Variants in EGFLAM observed in about 807,000 individuals in gnomAD.
EGFLAM encodes the protein EGF like, fibronectin type III and laminin G domains.
A neutral mutation model predicts 113.1 loss-of-function variants in EGFLAM; 79 were observed. That is an observed-to-expected ratio of 0.70 (90% CI 0.58 to 0.84). The LOEUF is 0.84. Among genes scored for constraint, EGFLAM ranks in the 40% least tolerant of loss-of-function variants. The pLI is 0.00. For synonymous variants in EGFLAM, 504 were observed against 487.6 expected, an observed-to-expected ratio of 1.03 and a Z score of -0.44; for missense variants, 1,265 against 1,291.6, an observed-to-expected ratio of 0.98 and a Z score of 0.32.
chr5:38,425,730 C>T (rs1741983688), intron 13 of EGFLAM, among the ~76,000 whole-genome samples: 1 of 152,146 alleles, frequency 6.6e-6, no homozygotes, highest in African/African-American at 2.4e-5. Flanking sequence ...CCTTGAATAA[C>T]TTTTAAAAAG....
intron 7 of EGFLAM, 118 bp downstream of exon 7, chr5:38,406,359 T>A: frequency 2.4e-6 from 2 of 849,736 alleles, no homozygotes; most frequent in Non-Finnish European, 3.7e-6. Context: ...CATTTGCTTT[T>A]AACACTGATT....
At chr5:38,338,611 C>T (rs926140135) in intron 2 of EGFLAM, 87 bp from the exon 3 acceptor site, 10 of 1,256,330 alleles carry the variant, frequency 8.0e-6, no homozygotes, top group Non-Finnish European at 1.0e-5. Context: ...CACCTCAGAG[C>T]CTGCTGCCAC....
intron 1 of EGFLAM, among the ~76,000 whole-genome samples, chr5:38,262,028 CA>C (rs1233767028): frequency 6.6e-6 from 1 of 152,194 alleles, no homozygotes; most frequent in Non-Finnish European, 1.5e-5. Context: ...TTTCAGACTA[CA>C]AATTAGAATC....
At chr5:38,437,174 AG>A (rs1286077593) in intron 16 of EGFLAM, among the ~76,000 whole-genome samples, 2 of 152,214 alleles carry the variant, frequency 1.3e-5, no homozygotes, top group Non-Finnish European at 1.5e-5. Flanking sequence ...GCAGGGCAGA[AG>A]GTGCAAGGGA....
rs1344872935 is a variant in EGFLAM, at chr5:38,426,991, C to T, written c.1811-18C>T. Reference sequence around the variant, plus strand: ...TTCTGCCACAGAGGGATTTCTAACACCATGCTTGTTTTTTCAGCTTTCACC... The same window carrying T: ...TTCTGCCACAGAGGGATTTCTAACATCATGCTTGTTTTTTCAGCTTTCACC... On this transcript the variant is annotated intron_variant, in intron 13 of 21. Coordinates refer to ENST00000322350, the MANE Select transcript of EGFLAM (RefSeq NM_152403.4). 9 of 1,612,620 alleles carry T rather than the reference C, an allele frequency of 5.6e-6. No homozygotes were observed. Among genetic ancestry groups the T allele is most frequent in the Non-Finnish European group, 7.6e-6 (9 of 1,179,624 alleles).
At chr5:38,305,162 A>C (rs891117406) in intron 1 of EGFLAM, among the ~76,000 whole-genome samples, 6 of 152,188 alleles carry the variant, frequency 3.9e-5, no homozygotes, top group African/African-American at 2.4e-5. Flanking sequence ...AATAGTTCAG[A>C]GATACAAAAA....
chr5:38,278,296 T>C (rs1286909223), intron 1 of EGFLAM, among the ~76,000 whole-genome samples: 2 of 152,146 alleles, frequency 1.3e-5, no homozygotes, highest in African/African-American at 4.8e-5. Flanking sequence ...AGGGAAAGGA[T>C]AGTGTATTCA....
intron 15 of EGFLAM, among the ~76,000 whole-genome samples, chr5:38,433,619 C>T (rs1742254491): frequency 6.6e-6 from 1 of 152,230 alleles, no homozygotes; most frequent in Admixed American, 6.5e-5. Context: ...CGCTGCTGGA[C>T]ACAGCCATAA....
intron 1 of EGFLAM, among the ~76,000 whole-genome samples, chr5:38,272,629 A>G (rs1757791612): frequency 6.6e-6 from 1 of 152,228 alleles, no homozygotes; most frequent in Non-Finnish European, 1.5e-5. Context: ...GAGTGTTTGC[A>G]AAGGATTTTT....
At chr5:38,455,423 A>G (rs1026586735) in intron 19 of EGFLAM, among the ~76,000 whole-genome samples, 6 of 152,198 alleles carry the variant, frequency 3.9e-5, no homozygotes, top group Admixed American at 2.6e-4. Context: ...CATACCTTCC[A>G]TGCCATGCAC....
At chr5:38,462,169 A>T (rs886215660) in intron 20 of EGFLAM, among the ~76,000 whole-genome samples, 2 of 152,004 alleles carry the variant, frequency 1.3e-5, no homozygotes, top group Non-Finnish European at 2.9e-5. Flanking sequence ...TCCGTCTCAA[A>T]AAATAAAATA....
At chr5:38,431,370 G>C in intron 15 of EGFLAM, 82 bp downstream of exon 15, 1 of 1,398,926 alleles carries the variant, frequency 7.1e-7, no homozygotes, top group East Asian at 2.4e-5. Flanking sequence ...AAAAGCAGCA[G>C]AGTGTTCTGG....
intron 1 of EGFLAM, among the ~76,000 whole-genome samples, chr5:38,278,478 A>G (rs1227321319): frequency 6.6e-6 from 1 of 151,796 alleles, no homozygotes; most frequent in African/African-American, 2.4e-5. Flanking sequence ...TATAACATTG[A>G]TCTGGTCAAT....
chr5:38,462,473 CT>C (rs1277304814), intron 20 of EGFLAM: 6 of 168,094 alleles, frequency 3.6e-5, no homozygotes, highest in Non-Finnish European at 7.7e-5. Flanking sequence ...TGCTCTTTCT[CT>C]TTGCTGTTGT....
At chr5:38,261,852 C>A (rs1429315713) in intron 1 of EGFLAM, among the ~76,000 whole-genome samples, 1 of 152,126 alleles carries the variant, frequency 6.6e-6, no homozygotes, top group Non-Finnish European at 1.5e-5. Context: ...CCACTTGCTT[C>A]TCTTGTTGAA....
At chr5:38,462,231 T>C (rs960841280) in intron 20 of EGFLAM, among the ~76,000 whole-genome samples, 1 of 152,156 alleles carries the variant, frequency 6.6e-6, no homozygotes, top group Non-Finnish European at 1.5e-5. Context: ...AATGATCTTA[T>C]ACCTACAAAA....
intron 6 of EGFLAM, among the ~76,000 whole-genome samples, chr5:38,396,799 T>C (rs1318405497): frequency 6.6e-6 from 1 of 152,208 alleles, no homozygotes; most frequent in Admixed American, 6.5e-5. Flanking sequence ...CCTGCTGTGT[T>C]CACAGCCGCT....
Position 38,438,408 on chromosome 5 carries a change from A to G in EGFLAM, c.2417A>G (p.Tyr806Cys). The G allele has an allele frequency of 3.1e-6, 5 of 1,613,854 alleles. No homozygotes were observed. The highest frequency in any genetic ancestry group is 1.3e-5 in the African/African-American group (1 of 75,068). Reference protein sequence around the residue: ...GGSCRPRKEGYDCDCPLGFEG... With the variant: ...GGSCRPRKEGCDCDCPLGFEG... The stretch of plus-strand genomic sequence containing the variant: ...AGCTGCCGGCCCAGGAAGGAGGGCT[A>G]TGACTGTGACTGCCCCTTGGGCTTT... The change falls in exon 17 of 22, where the codon TAT (tyrosine) becomes TGT (cysteine). Residue 806 changes from tyrosine (Y) to cysteine (C), a missense_variant. Tyr to Cys is a radical substitution (Grantham distance 194). Transcript: ENST00000322350.
Position 38,464,197 on chromosome 5 carries a change from AT to A in EGFLAM, c.*213del, listed in dbSNP as rs2112305637. On this transcript the variant is annotated 3_prime_UTR_variant, in exon 22 of 22. Transcript: ENST00000322350. ...ACACTCCACGAGCTGACCCAGCAGA[AT>A]TCTCTGTGTAGGAAGCATCGGACTT... 3.3e-6 allele frequency: 2 copies of A among 597,864 alleles called. No homozygotes were observed. The highest frequency in any genetic ancestry group is 4.6e-5 in the South Asian group (2 of 43,192). The allele number at this position is 597,864 out of a possible 1,614,324, so 37.0% of individuals were successfully genotyped here.
Sources: gnomAD v4.1 joint callset for allele counts (sites outside exome capture counted in the v4.1 genomes callset) on GRCh38, gnomAD v4.1.1 for gene constraint, MANE v1.5 for transcripts, NCBI Gene and HGNC (gene_info 2026-07-23, HGNC 2026-07-21) for gene names.